Variants in LUC7L observed in about 807,000 individuals in gnomAD.
LUC7L encodes LUC7 like.
A neutral mutation model predicts 51.1 loss-of-function variants in LUC7L; 29 were observed. That is an observed-to-expected ratio of 0.57 (90% CI 0.42 to 0.77). The LOEUF is 0.77. LUC7L is among the 30% of genes least tolerant of loss of function. The pLI is 0.00. For synonymous variants in LUC7L, 181 were observed against 180.7 expected (o/e 1.00, Z -0.01); for missense variants, 403 against 511.9 (o/e 0.79, Z 2.05).
intron 5 of LUC7L, among the ~76,000 whole-genome samples, chr16:201,238 TAACTAA>T (rs1170278671): frequency 1.2e-4 from 4 of 34,092 alleles, no homozygotes; most frequent in African/African-American, 4.0e-4. Flanking sequence ...GTATGCTACA[TAACTAA>T]AAAAAAAAAA....
In LUC7L at chr16:189,716, G is replaced by C. The variant is rs561865083; in HGVS notation, c.974+252C>G. ...ACAAGTCTCAGCCACTCTGAGCATG[G>C]ACGCAACAGTGCACAGGCCCCAGGA... On this transcript the variant is annotated intron_variant, in intron 9 of 9. Coordinates refer to ENST00000293872, the MANE Select transcript of LUC7L (RefSeq NM_201412.3). 2.4e-5 allele frequency: 33 copies of C among 1,369,378 alleles called. No homozygotes were observed. The East Asian group carries it at 7.5e-4, about 31-fold the overall frequency. 84.8% of individuals were successfully genotyped at this position (1,369,378 alleles called of 1,614,324 possible).
intron 5 of LUC7L, among the ~76,000 whole-genome samples, chr16:199,756 C>CAAA (rs11361921): frequency 1.6e-4 from 10 of 61,694 alleles, no homozygotes; most frequent in South Asian, 5.9e-4. Flanking sequence ...AACCCTGTCT[C>CAAA]AAAAAAAAAA....
Position 189,323 on chromosome 16 carries a change from C to T in LUC7L, c.991G>A (p.Ala331Thr), listed in dbSNP as rs2048946966. Residue 331 changes from alanine (A) to threonine (T), a missense_variant, in exon 10 of 10, where the codon GCA becomes ACA. Around this residue, in one of 3 missense-constraint regions of LUC7L, gnomAD observed 206 missense variants for 218.3 expected, o/e 0.94. Transcript: ENST00000293872. ...SAKYKFSRER[A>T]SREESWESGR... ...CTCTCCCAGGACTCCTCTCTGGATG[C>T]CCGCTCTCTGGAGAACCTGGGAAAT... The T allele has an allele frequency of 6.2e-7, 1 of 1,610,954 alleles. No individual in the cohort carries two copies. Among genetic ancestry groups the T allele is most frequent in the Non-Finnish European group, 8.5e-7 (1 of 1,179,030 alleles).
Position 208,093 on chromosome 16 carries a change from C to A in LUC7L, c.351G>T (p.Ala117=). Residue 117 remains alanine, a synonymous_variant, in exon 4 of 10, where the codon GCG becomes GCT. Transcript: ENST00000293872. ...RLAETQEEIS[A]EVSAKAEKVH... The stretch of plus-strand genomic sequence containing the variant: ...CCAAGCATACCTTTGCAGAAACTTC[C>A]GCACTGATTTCCTCCTGTGTTTCTG... The A allele has an allele frequency of 6.2e-7, 1 of 1,612,758 alleles. No homozygotes were observed. The highest frequency in any genetic ancestry group is 1.3e-5 in the African/African-American group (1 of 74,942).
At chr16:190,498 G>GA (rs751203308) in intron 8 of LUC7L, 43 bp downstream of exon 8, 824 of 1,572,918 alleles carry the variant, frequency 5.2e-4, no homozygotes, top group Non-Finnish European at 6.3e-4. Context: ...AATGCTTATG[G>GA]AAAAAAAAAT....
At chr16:228,160 A>G (rs1052738821) in intron 1 of LUC7L, 7 of 1,226,728 alleles carry the variant, frequency 5.7e-6, no homozygotes, top group Non-Finnish European at 6.3e-6. Context: ...TATACAACAC[A>G]GAGCTGTGCA....
In LUC7L at chr16:208,125, G is replaced by C. The variant is rs759353722; in HGVS notation, c.319C>G (p.Arg107Gly). The C allele has an allele frequency of 6.2e-7, 1 of 1,613,348 alleles. No individual in the cohort carries two copies. The highest frequency in any genetic ancestry group is 1.1e-5 in the South Asian group (1 of 90,952). Residue 107 changes from arginine to glycine, a missense_variant, in exon 4 of 10, where the codon CGG becomes GGG. Arg to Gly is a moderately radical substitution (Grantham distance 125, BLOSUM62 -2). Coordinates refer to ENST00000293872, the MANE Select transcript of LUC7L (RefSeq NM_201412.3). ...ATTTCCTCCTGTGTTTCTGCCAGCC[G>C]CTTCTTGGCGAGCTCAGTTCTCCGA... ...CDRRTELAKK[R>G]LAETQEEISA...
At position 208,084 on chromosome 16, in the gene LUC7L, A is replaced by T. The variant is rs140058041; in HGVS notation, c.360T>A (p.Ser120=). ...ETQEEISAEV[S]AKAEKVHELN... is the part of the protein sequence containing the mutation. ...CGAAGCCACCCAAGCATACCTTTGC[A>T]GAAACTTCCGCACTGATTTCCTCCT... is the stretch of plus-strand genomic sequence containing the variant. The change falls in exon 4 of 10, where the codon TCT becomes TCA. Residue 120 remains serine (S), a synonymous_variant. Transcript: ENST00000293872. The T allele has an allele frequency of 1.5e-4, 247 of 1,608,336 alleles. 2 individuals are homozygous for T. In the African/African-American group the frequency reaches 3.0e-3, roughly 20 times the overall value.
intron 6 of LUC7L, among the ~76,000 whole-genome samples, chr16:195,241 T>C (rs766665482): frequency 4.6e-5 from 7 of 151,250 alleles, no homozygotes; most frequent in Non-Finnish European, 5.9e-5. Context: ...CTGGGAAACA[T>C]AGTAAGACCT....
intron 9 of LUC7L, 183 bp downstream of exon 9, chr16:189,785 G>C (rs201069802): frequency 1.4e-6 from 2 of 1,419,204 alleles, no homozygotes; most frequent in South Asian, 1.6e-5. Flanking sequence ...ACCTGGCGCC[G>C]TGCGAGCTCC....
rs148112548 is a variant in LUC7L, at chr16:196,219, G to A, written c.687+2843C>T. Among the ~76,000 whole-genome samples the A allele has an allele frequency of 7.4e-3, 1,131 of 152,174 alleles. 14 individuals carry two copies. The highest frequency in any genetic ancestry group is 0.025 in the African/African-American group (1,054 of 41,538). Reference sequence around the variant, plus strand: ...GCTCAGGAGTTCGAGATCAGCCTGAGCAACACGGTGAAACCCCATCTCTAC... The same window carrying A: ...GCTCAGGAGTTCGAGATCAGCCTGAACAACACGGTGAAACCCCATCTCTAC... On this transcript the variant is annotated intron_variant, in intron 6 of 9. Transcript: ENST00000293872.
chr16:191,628 T>G (rs1333404802), intron 7 of LUC7L, among the ~76,000 whole-genome samples: 1 of 152,112 alleles, frequency 6.6e-6, no homozygotes, highest in African/African-American at 2.4e-5. Flanking sequence ...AGGCAGATCA[T>G]GAGGTCAACA....
intron 2 of LUC7L, among the ~76,000 whole-genome samples, chr16:225,805 A>AAAAAGAAAAG (rs540354022): frequency 1.3e-5 from 2 of 149,908 alleles, no homozygotes; most frequent in African/African-American, 4.9e-5. Flanking sequence ...TCTCAAAAAA[A>AAAAAGAAAAG]AAAAGAAAAG....
chr16:208,051 C>T lies in LUC7L; in HGVS notation c.366+27G>A, dbSNP rs755673806. 6 of 1,516,888 alleles carry T rather than the reference C, an allele frequency of 4.0e-6. No individual in the cohort carries two copies. The African/African-American group carries it at 4.2e-5, about 11-fold the overall frequency. The allele number at this position is 1,516,888 out of a possible 1,614,324, so 94.0% of individuals were successfully genotyped here. On this transcript the variant is annotated intron_variant, in intron 4 of 9. Transcript: ENST00000293872. ...ACAAGCCAGTATTTTTAAGAACACA[C>T]CAGACACCGAAGCCACCCAAGCATA...
In LUC7L at chr16:196,281, G is replaced by A. The variant is rs150338908; in HGVS notation, c.687+2781C>T. ...AAATGAGCCAGGCATGGTGGTGCAC[G>A]CCTATAGTACCAGCTACTTGGAGGG... On this transcript the variant is annotated intron_variant, in intron 6 of 9. Transcript: ENST00000293872. Among the ~76,000 whole-genome samples the A allele has an allele frequency of 7.2e-3, 1,097 of 152,014 alleles. 16 individuals are homozygous for A. The highest frequency in any genetic ancestry group is 0.025 in the African/African-American group (1,055 of 41,472).
At chr16:227,479 A>C (rs1218033241) in intron 1 of LUC7L, 143 bp from the exon 2 acceptor site, 2 of 1,459,566 alleles carry the variant, frequency 1.4e-6, no homozygotes, top group Middle Eastern at 2.5e-4. Flanking sequence ...GCTGATCTAA[A>C]GATATTTACA....
intron 7 of LUC7L, 127 bp downstream of exon 7, chr16:192,800 G>A: frequency 3.6e-6 from 3 of 837,800 alleles, no homozygotes; most frequent in South Asian, 2.8e-5. Flanking sequence ...GCCAGGCCTG[G>A]CCTTACTATT....
chr16:203,984 C>G (rs2049407268), intron 5 of LUC7L, among the ~76,000 whole-genome samples: 1 of 152,094 alleles, frequency 6.6e-6, no homozygotes, highest in Non-Finnish European at 1.5e-5. Context: ...CCACTGCACT[C>G]CAGCCTGGGC....
In LUC7L at chr16:227,343, T is replaced by C; in HGVS notation, c.62-7A>G. ...CTCTGTCTGGTTTCGTCTCCTGAAA[T>C]TCATTTGTGGTTTTAAATAAGACAA... On this transcript the variant is annotated splice_polypyrimidine_tract_variant and splice_region_variant and intron_variant, in intron 1 of 9. Transcript: ENST00000293872. 1.2e-6 allele frequency: 2 copies of C among 1,600,534 alleles called. No individual in the cohort carries two copies. Among genetic ancestry groups the C allele is most frequent in the Non-Finnish European group, 1.7e-6 (2 of 1,171,600 alleles).
Sources: gnomAD v4.1 joint callset for allele counts (sites outside exome capture counted in the v4.1 genomes callset) on GRCh38, gnomAD v4.1.1 for gene constraint, gnomAD v4.1.1 regional missense constraint, MANE v1.5 for transcripts, NCBI Gene and HGNC (gene_info 2026-07-23, HGNC 2026-07-21) for gene names.